Variants in ZDHHC2 observed in about 807,000 individuals in gnomAD.
ZDHHC2 encodes palmitoyltransferase ZDHHC2.
In ZDHHC2, 51 loss-of-function variants were observed where a neutral mutation model predicts 55.6. That is an observed-to-expected ratio of 0.92 (90% CI 0.73 to 1.16). The LOEUF is 1.16. Among genes scored for constraint, ZDHHC2 ranks in the 50% most tolerant of loss-of-function variants. The probability of loss-of-function intolerance (pLI) is 0.00; values close to 1 mark genes in which losing one functional copy is unlikely to be tolerated. For synonymous variants in ZDHHC2, 199 were observed against 152.9 expected, an observed-to-expected ratio of 1.30 and a Z score of -2.22; for missense variants, 491 against 442.4, an observed-to-expected ratio of 1.11 and a Z score of -0.99.
chr8:17,184,463 G>A (rs1266440563), intron 1 of ZDHHC2, among the ~76,000 whole-genome samples: 2 of 152,214 alleles, frequency 1.3e-5, no homozygotes, highest in African/African-American at 4.8e-5. Flanking sequence ...GCTTTTATCT[G>A]AACTCTATAG....
intron 11 of ZDHHC2, 135 bp downstream of exon 11, chr8:17,215,484 T>A (rs1193160025): frequency 1.3e-6 from 1 of 755,034 alleles, no homozygotes; most frequent in Non-Finnish European, 2.2e-6. Context: ...AATTCAGAAT[T>A]ATTTTCAAAG....
chr8:17,197,266 A>C (rs534547770), intron 4 of ZDHHC2, among the ~76,000 whole-genome samples: 12 of 152,258 alleles, frequency 7.9e-5, no homozygotes, highest in Admixed American at 7.9e-4. Flanking sequence ...TAATTGAGGG[A>C]GACATTCTAT....
At chr8:17,215,397 A>C in intron 11 of ZDHHC2, 48 bp downstream of exon 11, 1 of 1,471,216 alleles carries the variant, frequency 6.8e-7, no homozygotes, top group Non-Finnish European at 9.3e-7. Context: ...TTATTTTTAG[A>C]AGGTAAACGT....
chr8:17,197,937 A>G (rs1202972042), intron 5 of ZDHHC2, among the ~76,000 whole-genome samples: 1 of 152,186 alleles, frequency 6.6e-6, no homozygotes, highest in Non-Finnish European at 1.5e-5. Context: ...AGTGTTTTCC[A>G]TTTTTATAAA....
chr8:17,207,921 C>T (rs534480053), intron 7 of ZDHHC2, 39 bp from the exon 8 acceptor site: 2 of 1,409,810 alleles, frequency 1.4e-6, no homozygotes, highest in South Asian at 1.8e-5. Context: ...AATACATATC[C>T]CTTTGACAAA....
rs1041043322 is a variant in ZDHHC2 at position 17,221,010 on chromosome 8, A to G, written c.*789A>G. ...TGATAGCAATTATGAAGATTGTTTT[A>G]TGACATTCTTTTGTCAGTTTGGCTT... On this transcript the variant is annotated 3_prime_UTR_variant, in exon 13 of 13. Coordinates refer to ENST00000262096, the MANE Select transcript of ZDHHC2 (RefSeq NM_016353.5). 6.6e-6 allele frequency: 1 copy of G among 152,256 alleles called. No individual in the cohort carries two copies. Among genetic ancestry groups the G allele is most frequent in the Admixed American group, 6.5e-5 (1 of 15,270 alleles). 9.4% of individuals were successfully genotyped at this position (152,256 alleles called of 1,614,324 possible). A position where few individuals can be genotyped will look rare whatever the true frequency, so the allele number is the denominator to read the frequency against.
Position 17,221,999 on chromosome 8 carries a change from T to G in ZDHHC2, c.*1778T>G, listed in dbSNP as rs1807939367. The G allele has an allele frequency of 6.6e-6, 1 of 150,534 alleles. No individual in the cohort carries two copies. Among genetic ancestry groups the G allele is most frequent in the Middle Eastern group, 3.4e-3 (1 of 292 alleles). 9.3% of individuals were successfully genotyped at this position (150,534 alleles called of 1,614,324 possible). ...AGGTTTGTTTTTTTTTTTTTTTTTTTTTCAAAGCACAGTACTGTTAGCTGT... is the reference window on the plus strand; with the variant it reads ...AGGTTTGTTTTTTTTTTTTTTTTTTGTTCAAAGCACAGTACTGTTAGCTGT... On this transcript the variant is annotated 3_prime_UTR_variant, in exon 13 of 13. Transcript: ENST00000262096.
intron 6 of ZDHHC2, among the ~76,000 whole-genome samples, chr8:17,204,279 C>T (rs1044582729): frequency 6.6e-6 from 1 of 152,144 alleles, no homozygotes; most frequent in Non-Finnish European, 1.5e-5. Context: ...AGTGTTTCAT[C>T]TTAGTAGCTA....
chr8:17,165,599 TTTTAA>T (rs762355620), intron 1 of ZDHHC2, among the ~76,000 whole-genome samples: 13 of 152,358 alleles, frequency 8.5e-5, no homozygotes, highest in East Asian at 3.9e-4. Context: ...TTGGACACCC[TTTTAA>T]TTTATTCGTT....
chr8:17,167,769 A>G (rs1047919788), intron 1 of ZDHHC2, among the ~76,000 whole-genome samples: 13 of 152,196 alleles, frequency 8.5e-5, no homozygotes, highest in Admixed American at 2.0e-4. Flanking sequence ...ATATCCTCAT[A>G]TATCTATAAT....
At chr8:17,162,302 C>G (rs1352589009) in intron 1 of ZDHHC2, among the ~76,000 whole-genome samples, 2 of 152,190 alleles carry the variant, frequency 1.3e-5, no homozygotes, top group South Asian at 2.1e-4. Flanking sequence ...ATAGTTTCTA[C>G]TTAGTCTTAT....
chr8:17,160,248 C>T (rs766444782), intron 1 of ZDHHC2, among the ~76,000 whole-genome samples: 1 of 152,190 alleles, frequency 6.6e-6, no homozygotes, highest in Non-Finnish European at 1.5e-5. Flanking sequence ...TTCAATAGTA[C>T]AAGAAACTTC....
In ZDHHC2 at chr8:17,164,703, ATCCTTATAAAAATAAGTTCATATTG is replaced by A. The variant is rs541163594; in HGVS notation, c.130+7852_130+7876del. On this transcript the variant is annotated intron_variant, in intron 1 of 12. Coordinates refer to ENST00000262096, the MANE Select transcript of ZDHHC2 (RefSeq NM_016353.5). ...TCATGATCATGTTATAAAAGATATA[ATCCTTATAAAAATAAGTTCATATTG>A]TTTCAAAAATTGTATGTGATTATAA... is the stretch of plus-strand genomic sequence containing the variant. 1.1e-3 allele frequency among the ~76,000 whole-genome samples: 163 copies of A among 152,338 alleles called. 1 individual carries two copies. Among genetic ancestry groups the A allele is most frequent in the African/African-American group, 3.8e-3 (156 of 41,588 alleles).
At chr8:17,159,315 A>G (rs1804216131) in intron 1 of ZDHHC2, among the ~76,000 whole-genome samples, 1 of 152,200 alleles carries the variant, frequency 6.6e-6, no homozygotes, top group African/African-American at 2.4e-5. Flanking sequence ...TTCTTCCATA[A>G]AACATTGGCC....
At chr8:17,184,434 T>G (rs1304697979) in intron 1 of ZDHHC2, among the ~76,000 whole-genome samples, 1 of 152,264 alleles carries the variant, frequency 6.6e-6, no homozygotes, top group Admixed American at 6.5e-5. Context: ...TGCGGAAATG[T>G]AATGACCTGG....
intron 1 of ZDHHC2, among the ~76,000 whole-genome samples, chr8:17,161,637 C>T (rs1804348708): frequency 6.6e-6 from 1 of 152,156 alleles, no homozygotes. Flanking sequence ...GTGGGAGGAT[C>T]ACTTGAGGTC....
intron 1 of ZDHHC2, among the ~76,000 whole-genome samples, chr8:17,159,506 T>C (rs1429102873): frequency 6.6e-6 from 1 of 152,238 alleles, no homozygotes; most frequent in East Asian, 1.9e-4. Flanking sequence ...GGAGTAGTGC[T>C]TATCCTGGTA....
chr8:17,191,726 A>G (rs1158243472), intron 3 of ZDHHC2, among the ~76,000 whole-genome samples: 2 of 152,200 alleles, frequency 1.3e-5, no homozygotes, highest in East Asian at 1.9e-4. Context: ...CCATTGATGG[A>G]CACTGAGTTT....
chr8:17,215,363 T>A lies in ZDHHC2; in HGVS notation c.1063+14T>A. On this transcript the variant is annotated intron_variant, in intron 11 of 12. Transcript: ENST00000262096. ...AATGCAAAGCTGGTAAGGGTGTGCTTGTTTGGCTGTTTTTTGACATATTTT... is the reference window on the plus strand; with the variant it reads ...AATGCAAAGCTGGTAAGGGTGTGCTAGTTTGGCTGTTTTTTGACATATTTT... The A allele has an allele frequency of 3.2e-6, 5 of 1,553,166 alleles. No homozygotes were observed. The highest frequency in any genetic ancestry group is 4.4e-6 in the Non-Finnish European group (5 of 1,145,744).
Sources: gnomAD v4.1 joint callset for allele counts (sites outside exome capture counted in the v4.1 genomes callset) on GRCh38, gnomAD v4.1.1 for gene constraint, MANE v1.5 for transcripts, NCBI Gene and HGNC (gene_info 2026-07-23, HGNC 2026-07-21) for gene names.